The following POLE variants were observed in gnomAD, a reference collection of about 807,000 sequenced individuals.
POLE encodes DNA polymerase epsilon, catalytic subunit, also known as DNA polymerase epsilon catalytic subunit A.
POLE carries 188 observed loss-of-function variants against 279.2 expected under a neutral mutation model. That is an observed-to-expected ratio of 0.67 (90% CI 0.60 to 0.76). The LOEUF (loss-of-function observed/expected upper bound fraction) is 0.76. Among genes scored for constraint, POLE ranks in the 30% least tolerant of loss-of-function variants. The probability of loss-of-function intolerance (pLI) is 0.00; values close to 1 mark genes in which losing one functional copy is unlikely to be tolerated. For synonymous variants in POLE, 1,214 were observed against 1,172.5 expected, an observed-to-expected ratio of 1.04 and a Z score of -0.72; for missense variants, 2,703 against 3,016.7, an observed-to-expected ratio of 0.90 and a Z score of 2.44.
chr12:132,678,581 CAAAT>C (rs2043106764), intron 6 of POLE, among the ~76,000 whole-genome samples: 1 of 152,074 alleles, frequency 6.6e-6, no homozygotes, highest in Non-Finnish European at 1.5e-5. Flanking sequence ...TGTCTCAAAA[CAAAT>C]AAGTAAATAG....
intron 20 of POLE, 34 bp downstream of exon 20, chr12:132,667,469 C>T (rs1158366861): frequency 6.2e-7 from 1 of 1,608,254 alleles, no homozygotes; most frequent in Non-Finnish European, 8.5e-7. Context: ...ACTGCCCTCA[C>T]AGAGGCCAAA....
At chr12:132,651,559 G>C (rs900514016) in intron 29 of POLE, among the ~76,000 whole-genome samples, 3 of 152,224 alleles carry the variant, frequency 2.0e-5, no homozygotes, top group African/African-American at 7.2e-5. Flanking sequence ...GCCCTGTGCA[G>C]GCAGCTCCCA....
At chr12:132,682,983 T>C (rs2043200032) in intron 1 of POLE, among the ~76,000 whole-genome samples, 1 of 151,472 alleles carries the variant, frequency 6.6e-6, no homozygotes, top group South Asian at 2.1e-4. Flanking sequence ...AAGAACAAGA[T>C]AAAAAAAGAA....
Position 132,673,261 on chromosome 12 carries a change from G to C in POLE, c.1376C>G (p.Ser459Cys), listed in dbSNP as rs765702675. The C allele has an allele frequency of 6.8e-6, 11 of 1,610,638 alleles. No individual in the cohort carries two copies. Among genetic ancestry groups the C allele is most frequent in the South Asian group, 1.1e-5 (1 of 91,008 alleles). ...TEQPQTLATYSVSDAVATYYL... is the reference protein window; with the variant it reads ...TEQPQTLATYCVSDAVATYYL... Reference sequence around the variant, plus strand: ...GTAAGTGGCGACAGCATCTGACACAGAATACGTGGCCAGAGTCTGAGGAGA... The same window carrying C: ...GTAAGTGGCGACAGCATCTGACACACAATACGTGGCCAGAGTCTGAGGAGA... Residue 459 changes from serine to cysteine, a missense_variant, in exon 14 of 49, where the codon TCT (serine) becomes TGT (cysteine). Physicochemically the swap from Ser to Cys is moderately radical, Grantham distance 112. This residue lies in a region of POLE where 1,011 missense variants were observed against 1,111.7 expected (regional missense o/e 0.91). Coordinates refer to ENST00000320574, the MANE Select transcript of POLE (RefSeq NM_006231.4).
rs1445288473 is a variant in POLE, at chr12:132,638,119, C to A, written c.5573G>T (p.Arg1858Leu). ...GGCGTAGATGACTGATGACCCCAGGCGCTTGAACTCAGCGATGAGCCTGTG... is the reference window on the plus strand; with the variant it reads ...GGCGTAGATGACTGATGACCCCAGGAGCTTGAACTCAGCGATGAGCCTGTG... The part of the protein sequence containing the change: ...LFLQLIAEFK[R>L]LGSSVIYANF... Residue 1858 changes from arginine (R) to leucine (L), a missense_variant, in exon 41 of 49, where the codon CGC becomes CTC. This residue lies in a region of POLE where 1,551 missense variants were observed against 1,686.1 expected (regional missense o/e 0.92). Coordinates refer to ENST00000320574, the MANE Select transcript of POLE (RefSeq NM_006231.4). The A allele has an allele frequency of 6.2e-7, 1 of 1,613,802 alleles. No homozygotes were observed. The highest frequency in any genetic ancestry group is 1.7e-5 in the Admixed American group (1 of 59,978).
At chr12:132,657,000 G>T in intron 29 of POLE, 136 bp downstream of exon 29, 2 of 886,586 alleles carry the variant, frequency 2.3e-6, no homozygotes, top group Non-Finnish European at 3.5e-6. Context: ...AGTGCCAATG[G>T]GCACATTTTC....
Position 132,687,256 on chromosome 12 carries a change from G to T in POLE, c.60C>A (p.Ser20Arg). The change falls in exon 1 of 49, where the codon AGC becomes AGA. Residue 20 changes from serine (S) to arginine (R), a missense_variant and splice_region_variant. Transcript: ENST00000320574. Reference protein sequence around the residue: ...RADPGADGEASRDDGATSSVS... With the variant: ...RADPGADGEARRDDGATSSVS... ...AGCCTCAGGAGGGCGCCCCTCACCT[G>T]CTGGCCTCGCCATCCGCGCCTGGGT... 1 of 1,496,330 alleles carries T rather than the reference G, an allele frequency of 6.7e-7. No homozygotes were observed. Among genetic ancestry groups the T allele is most frequent in the African/African-American group, 1.4e-5 (1 of 69,490 alleles). The allele number at this position is 1,496,330 out of a possible 1,614,324, so 92.7% of individuals were successfully genotyped here.
chr12:132,631,525 C>T (rs914314317), intron 45 of POLE, among the ~76,000 whole-genome samples: 1 of 152,208 alleles, frequency 6.6e-6, no homozygotes, highest in Non-Finnish European at 1.5e-5. Context: ...AGGCTGTCAC[C>T]TGATCTCCAG....
rs1565974886 is a variant in POLE at position 132,675,293 on chromosome 12, G to A, written c.1226+105C>T. The A allele has an allele frequency of 6.9e-7, 1 of 1,453,706 alleles. No homozygotes were observed. The highest frequency in any genetic ancestry group is 2.1e-5 in the Admixed American group (1 of 48,078). 90.1% of individuals were successfully genotyped at this position (1,453,706 alleles called of 1,614,324 possible). ...GGGTGACCTGAAACGGCCTCTCGGAGGCCACCCTCCTCCCATGAGATGTGG... is the reference window on the plus strand; with the variant it reads ...GGGTGACCTGAAACGGCCTCTCGGAAGCCACCCTCCTCCCATGAGATGTGG... On this transcript the variant is annotated intron_variant, in intron 12 of 48. Coordinates refer to ENST00000320574, the MANE Select transcript of POLE (RefSeq NM_006231.4). This position sits in a 1 kb window ranked among gnomAD's most constrained non-coding sequence, Gnocchi z 4.3.
Position 132,642,390 on chromosome 12 carries a change from G to GA in POLE, c.4959dup (p.His1654SerfsTer40), listed in dbSNP as rs1555222526. 2 of 1,578,476 alleles carry GA rather than the reference G, an allele frequency of 1.3e-6. No individual in the cohort carries two copies. The highest frequency in any genetic ancestry group is 3.5e-5 in the Admixed American group (2 of 57,428). On this transcript the variant is annotated frameshift_variant, in exon 38 of 49. Transcript: ENST00000320574. LOFTEE classifies it high-confidence loss of function. ...TCTGGTAGGTTCCCAATGGGAATGT[G>GA]AAAGTACCTGCACCAGGGCACAGGT...
At chr12:132,648,315 G>A (rs1377073335) in intron 32 of POLE, among the ~76,000 whole-genome samples, 1 of 151,366 alleles carries the variant, frequency 6.6e-6, no homozygotes, top group East Asian at 1.9e-4. Flanking sequence ...GTTTCTTTTT[G>A]GAGTGATGAA....
intron 32 of POLE, among the ~76,000 whole-genome samples, chr12:132,648,284 G>T (rs1258096898): frequency 6.6e-6 from 1 of 151,844 alleles, no homozygotes; most frequent in East Asian, 1.9e-4. Context: ...GGGGAGGATG[G>T]TGACAGGTAA....
At position 132,661,575 on chromosome 12, in the gene POLE, G is replaced by A. The variant is rs772307459; in HGVS notation, c.2816C>T (p.Ala939Val). The A allele has an allele frequency of 6.2e-7, 1 of 1,614,178 alleles. No individual in the cohort carries two copies. Among genetic ancestry groups the A allele is most frequent in the Admixed American group, 1.7e-5 (1 of 60,014 alleles). ...TTCCTTGGAGGCTGGAAGAATCATG[G>A]CAAGGTAGGGCCCATCAACCTCAAA... ...IFFEVDGPYL[A>V]MILPASKEEG... is the part of the protein sequence containing the mutation. The change falls in exon 24 of 49, where the codon GCC becomes GTC. Residue 939 changes from alanine (A) to valine (V), a missense_variant. Physicochemically the swap from Ala to Val is moderately conservative, Grantham distance 64. Coordinates refer to ENST00000320574, the MANE Select transcript of POLE (RefSeq NM_006231.4). This position sits in a 1 kb window ranked among gnomAD's most constrained non-coding sequence, Gnocchi z 4.1.
At position 132,645,735 on chromosome 12, in the gene POLE, G is replaced by A. The variant is rs11146988; in HGVS notation, c.4150-1758C>T. On this transcript the variant is annotated intron_variant, in intron 32 of 48. Coordinates refer to ENST00000320574, the MANE Select transcript of POLE (RefSeq NM_006231.4). ...AGGAAAATCTGAATAATTCTCAAGC[G>A]AGAAGAGAACCAGTAGGGTTAGATT... 6.1e-4 allele frequency among the ~76,000 whole-genome samples: 93 copies of A among 152,246 alleles called. No individual in the cohort carries two copies. The East Asian group carries it at 0.012, about 20-fold the overall frequency.
chr12:132,681,199 A>C lies in POLE; in HGVS notation c.143T>G (p.Phe48Cys), dbSNP rs2043159814. The change falls in exon 2 of 49, where the codon TTT becomes TGT. Residue 48 changes from phenylalanine (F) to cysteine (C), a missense_variant. This residue lies in a region of POLE where 1,011 missense variants were observed against 1,111.7 expected (regional missense o/e 0.91). Transcript: ENST00000320574. ...SQWTDKMDLR[F>C]GFERLKEPGE... ...AGGCTCCTTCAGCCGCTCAAAACCAAACCGCAAATCCATCTTATCCGTCCA... is the reference window on the plus strand; with the variant it reads ...AGGCTCCTTCAGCCGCTCAAAACCACACCGCAAATCCATCTTATCCGTCCA... The C allele has an allele frequency of 6.2e-7, 1 of 1,614,088 alleles. No individual in the cohort carries two copies. The highest frequency in any genetic ancestry group is 8.5e-7 in the Non-Finnish European group (1 of 1,180,020).
chr12:132,653,701 T>C (rs1192622701), intron 29 of POLE, among the ~76,000 whole-genome samples: 5 of 152,354 alleles, frequency 3.3e-5, no homozygotes, highest in Middle Eastern at 3.4e-3. Context: ...ATCTCCAAAC[T>C]GTTTTGAACA....
Position 132,661,272 on chromosome 12 carries a change from G to T in POLE, c.2865-108C>A. ...CTCTTCCCTTTCCAACCCTCCACCT[G>T]TCATCCACGAGGCAGCAAACGTCTC... On this transcript the variant is annotated intron_variant, in intron 24 of 48. Coordinates refer to ENST00000320574, the MANE Select transcript of POLE (RefSeq NM_006231.4). This position sits in a 1 kb window ranked among gnomAD's most constrained non-coding sequence, Gnocchi z 4.1. 1.8e-6 allele frequency: 2 copies of T among 1,120,422 alleles called. No homozygotes were observed. The highest frequency in any genetic ancestry group is 2.5e-6 in the Non-Finnish European group (2 of 787,160). The allele number at this position is 1,120,422 out of a possible 1,614,324, so 69.4% of individuals were successfully genotyped here.
At chr12:132,666,269 C>T (rs558358351) in intron 20 of POLE, among the ~76,000 whole-genome samples, 3 of 152,338 alleles carry the variant, frequency 2.0e-5, no homozygotes, top group South Asian at 2.1e-4. Flanking sequence ...TACAGATACA[C>T]GCTGTATGTT....
rs777232796 is a variant in POLE at position 132,680,056 on chromosome 12, A to G, written c.331-10T>C. ...CTTCTCGCTCACAACCCTAATCAGG[A>G]TCAGAATGAAAAGGCTTTCCATTGG... On this transcript the variant is annotated splice_polypyrimidine_tract_variant and intron_variant, in intron 4 of 48. Transcript: ENST00000320574. The G allele has an allele frequency of 4.3e-6, 7 of 1,612,100 alleles. No homozygotes were observed. The highest frequency in any genetic ancestry group is 5.9e-6 in the Non-Finnish European group (7 of 1,178,466).
Sources: allele counts gnomAD v4.1 joint callset (sites outside exome capture counted in the v4.1 genomes callset), GRCh38; gene constraint gnomAD v4.1.1; regional missense constraint gnomAD v4.1.1; non-coding constraint Gnocchi (gnomAD v3.1); transcripts MANE v1.5; gene names NCBI Gene and HGNC (gene_info 2026-07-23, HGNC 2026-07-21).